Variants in HSD17B12 observed in about 807,000 individuals in gnomAD.
HSD17B12 encodes the protein hydroxysteroid 17-beta dehydrogenase 12.
A neutral mutation model predicts 39.3 loss-of-function variants in HSD17B12; 32 were observed. The observed-to-expected ratio is 0.81, with a 90% CI of 0.61 to 1.09. The LOEUF is 1.09. HSD17B12 is among the 50% of genes least tolerant of loss of function. HSD17B12 has a pLI of 0.00. For synonymous variants in HSD17B12, 150 were observed against 146.7 expected, an observed-to-expected ratio of 1.02 and a Z score of -0.16; for missense variants, 342 against 382.9, an observed-to-expected ratio of 0.89 and a Z score of 0.89.
At position 43,855,360 on chromosome 11, in the gene HSD17B12, A is replaced by G; in HGVS notation, c.*112A>G. The G allele has an allele frequency of 1.8e-6, 1 of 543,540 alleles. No homozygotes were observed. Among genetic ancestry groups the G allele is most frequent in the Non-Finnish European group, 3.2e-6 (1 of 313,900 alleles). The allele number at this position is 543,540 out of a possible 1,614,324, so 33.7% of individuals were successfully genotyped here. A position where few individuals can be genotyped will look rare whatever the true frequency, so the allele number is the denominator to read the frequency against. Reference sequence around the variant, plus strand: ...CCTTGTCATTTCAATAGTTATTAACATGACTAAATATTATCTTAATTAAGA... The same window carrying G: ...CCTTGTCATTTCAATAGTTATTAACGTGACTAAATATTATCTTAATTAAGA... On this transcript the variant is annotated 3_prime_UTR_variant, in exon 11 of 11. Coordinates refer to ENST00000278353, the MANE Select transcript of HSD17B12 (RefSeq NM_016142.3).
At chr11:43,578,912 A>G in the HSD17B12 span, 8 of 152,154 alleles carry the variant, frequency 5.3e-5, no homozygotes, top group African/African-American at 1.9e-4. Context: ...AAATAATTCA[A>G]TGGTAGCGGT....
chr11:43,830,919 C>T, intron 6 of HSD17B12, 57 bp from the exon 7 acceptor site: 1 of 1,466,476 alleles, frequency 6.8e-7, no homozygotes, highest in Non-Finnish European at 9.5e-7. Flanking sequence ...TTTCTTCACT[C>T]TTTTTCTGTT....
chr11:43,590,506 A>ATTTTTTTGTTTT, the HSD17B12 span, among the ~76,000 whole-genome samples: 1 of 51,610 alleles, frequency 1.9e-5, no homozygotes, highest in Non-Finnish European at 3.6e-5. Flanking sequence ...GGAGTGAGTG[A>ATTTTTTTGTTTT]TTTTTTTTTT....
At chr11:43,782,588 A>G (rs760698533) in intron 3 of HSD17B12, among the ~76,000 whole-genome samples, 1 of 151,318 alleles carries the variant, frequency 6.6e-6, no homozygotes, top group Non-Finnish European at 1.5e-5. Context: ...AGGCAGGAGA[A>G]TTGCTTGAAC....
At chr11:43,823,897 A>C (rs1352836698) in intron 6 of HSD17B12, among the ~76,000 whole-genome samples, 1 of 152,190 alleles carries the variant, frequency 6.6e-6, no homozygotes, top group Non-Finnish European at 1.5e-5. Context: ...AATTGTGAGA[A>C]TGTCCTAATC....
intron 7 of HSD17B12, among the ~76,000 whole-genome samples, chr11:43,832,729 T>A (rs141984770): frequency 1.3e-5 from 2 of 152,232 alleles, no homozygotes; most frequent in East Asian, 3.9e-4. Context: ...GATCCTTGCC[T>A]TTTAAGAAAT....
Position 43,734,356 on chromosome 11 carries a change from G to C in HSD17B12, c.161-16555G>C, listed in dbSNP as rs577715910. ...AGAGGGCCAGATCTGTGGTGGAAAA[G>C]GCTGAGCAGAGGAAAAAGGCGGCCA... is the stretch of plus-strand genomic sequence containing the variant. On this transcript the variant is annotated intron_variant, in intron 1 of 10. Transcript: ENST00000278353. 49 of 953,998 alleles carry C rather than the reference G, an allele frequency of 5.1e-5. No individual in the cohort carries two copies. In the South Asian group the frequency reaches 5.9e-4, roughly 12 times the overall value. The allele number at this position is 953,998 out of a possible 1,614,324, so 59.1% of individuals were successfully genotyped here.
At chr11:43,645,274 G>GT in the HSD17B12 span, 21 of 152,258 alleles carry the variant, frequency 1.4e-4, no homozygotes, top group East Asian at 4.0e-3. Flanking sequence ...GGACCTCATT[G>GT]TTTCTGCCAC....
intron 1 of HSD17B12, among the ~76,000 whole-genome samples, chr11:43,719,502 G>A (rs1460863029): frequency 5.3e-5 from 8 of 152,000 alleles, no homozygotes; most frequent in African/African-American, 1.9e-4. Flanking sequence ...CATTTCAGGC[G>A]AGTATGGGTT....
the HSD17B12 span, among the ~76,000 whole-genome samples, chr11:43,557,178 T>A: frequency 1.3e-5 from 2 of 152,148 alleles, no homozygotes; most frequent in Middle Eastern, 3.2e-3. Context: ...TGGAAGACAG[T>A]CCTCTGTTGT....
intron 6 of HSD17B12, among the ~76,000 whole-genome samples, chr11:43,820,951 C>T (rs1308433841): frequency 6.6e-6 from 1 of 152,182 alleles, no homozygotes; most frequent in Admixed American, 6.5e-5. Flanking sequence ...GTAAAAATCA[C>T]ATAAGTTCCG....
chr11:43,703,429 C>T (rs920706962), intron 1 of HSD17B12, among the ~76,000 whole-genome samples: 2 of 152,074 alleles, frequency 1.3e-5, no homozygotes, highest in South Asian at 2.1e-4. Context: ...CTCCCGACCT[C>T]GTGATCCGCC....
chr11:43,748,385 T>G (rs1950430939), intron 1 of HSD17B12, among the ~76,000 whole-genome samples: 1 of 152,184 alleles, frequency 6.6e-6, no homozygotes, highest in South Asian at 2.1e-4. Context: ...CTGCATGTTC[T>G]TACTTATAAG....
At chr11:43,589,781 C>A in the HSD17B12 span, among the ~76,000 whole-genome samples, 1 of 152,220 alleles carries the variant, frequency 6.6e-6, no homozygotes, top group Non-Finnish European at 1.5e-5. Flanking sequence ...TGGTCAAGAA[C>A]AATGGGTTTT....
At chr11:43,684,359 G>C (rs1949777932) in intron 1 of HSD17B12, among the ~76,000 whole-genome samples, 1 of 152,238 alleles carries the variant, frequency 6.6e-6, no homozygotes, top group African/African-American at 2.4e-5. Context: ...AAGGTGGTCA[G>C]TTTGTATTAA....
At chr11:43,776,415 G>A (rs574369140) in intron 3 of HSD17B12, among the ~76,000 whole-genome samples, 117 of 152,218 alleles carry the variant, frequency 7.7e-4, no homozygotes, top group Middle Eastern at 3.4e-3. Context: ...TTTGAGAAGT[G>A]TCTGTTCATG....
the HSD17B12 span, among the ~76,000 whole-genome samples, chr11:43,563,896 T>C: frequency 6.6e-6 from 1 of 152,176 alleles, no homozygotes; most frequent in African/African-American, 2.4e-5. Context: ...TCTTTTATGT[T>C]TTACTGCAAT....
chr11:43,801,848 T>C (rs1243515211), intron 4 of HSD17B12, among the ~76,000 whole-genome samples: 1 of 152,126 alleles, frequency 6.6e-6, no homozygotes, highest in East Asian at 1.9e-4. Context: ...CTGGAATAGA[T>C]AGCATGAAGT....
the HSD17B12 span, among the ~76,000 whole-genome samples, chr11:43,615,176 G>A: frequency 2.0e-5 from 3 of 152,152 alleles, no homozygotes; most frequent in African/African-American, 4.8e-5. Context: ...TTTAGGTGGG[G>A]TATAGAGTAA....
Sources: allele counts gnomAD v4.1 joint callset (sites outside exome capture counted in the v4.1 genomes callset), GRCh38; gene constraint gnomAD v4.1.1; transcripts MANE v1.5; gene names NCBI Gene and HGNC (gene_info 2026-07-23, HGNC 2026-07-21).